The following PDE4D variants were observed in gnomAD, a reference collection of about 807,000 sequenced individuals.
The protein encoded by PDE4D is 3',5'-cyclic-AMP phosphodiesterase 4D.
In PDE4D, 24 loss-of-function variants were observed where a neutral mutation model predicts 87.4. That is an observed-to-expected ratio of 0.27 (90% CI 0.20 to 0.39). PDE4D has a LOEUF of 0.39. Among genes scored for constraint, PDE4D ranks in the 10% least tolerant of loss-of-function variants. PDE4D has a pLI of 1.00. For missense variants in PDE4D, 714 were observed against 1,041.0 expected, an observed-to-expected ratio of 0.69 and a Z score of 4.32; for synonymous variants, 384 against 383.2, an observed-to-expected ratio of 1.00 and a Z score of -0.02.
intron 1 of PDE4D, among the ~76,000 whole-genome samples, chr5:60,244,283 G>T (rs1326652670): frequency 1.3e-5 from 2 of 151,702 alleles, no homozygotes; most frequent in African/African-American, 4.8e-5. Flanking sequence ...TAAAACACTG[G>T]TGCAAGAAAT....
chr5:59,736,818 C>G (rs1293226253), intron 1 of PDE4D, among the ~76,000 whole-genome samples: 1 of 152,068 alleles, frequency 6.6e-6, no homozygotes, highest in Non-Finnish European at 1.5e-5. Context: ...CAGTAAACAC[C>G]TGGAAACATT....
intron 5 of PDE4D, among the ~76,000 whole-genome samples, chr5:59,100,952 G>A (rs908817685): frequency 6.6e-6 from 1 of 152,102 alleles, no homozygotes; most frequent in East Asian, 1.9e-4. Context: ...GGTGTAGAGA[G>A]GACGGCAATT....
intron 1 of PDE4D, among the ~76,000 whole-genome samples, chr5:60,456,967 T>C (rs1027162779): frequency 3.3e-5 from 5 of 152,166 alleles, no homozygotes; most frequent in Non-Finnish European, 4.4e-5. Context: ...ATAAACTACT[T>C]ACCATATACT....
At chr5:59,269,170 T>C (rs10070294) in intron 1 of PDE4D, among the ~76,000 whole-genome samples, 19,980 of 151,950 alleles carry the variant, frequency 0.13, 1,478 homozygotes, top group African/African-American at 0.19. Context: ...GTTGACATGA[T>C]AGAAAAAGAG....
intron 2 of PDE4D, among the ~76,000 whole-genome samples, chr5:60,170,702 G>A (rs1783346924): frequency 6.6e-6 from 1 of 151,858 alleles, no homozygotes; most frequent in African/African-American, 2.4e-5. Context: ...ACACGATAAT[G>A]ACATAGATGA....
intron 1 of PDE4D, among the ~76,000 whole-genome samples, chr5:60,344,490 A>G (rs1036515361): frequency 1.3e-5 from 2 of 152,152 alleles, no homozygotes; most frequent in African/African-American, 2.4e-5. Flanking sequence ...CAAAGGTATA[A>G]CAGTGACCAA....
rs762239197 is a variant in PDE4D at position 59,224,122 on chromosome 5, C to CAAAA, written c.456-8158_456-8155dup. On this transcript the variant is annotated intron_variant, in intron 1 of 14. Transcript: ENST00000340635. ...GCAACATGATGAAACCCTGTTTCTA[C>CAAAA]AAAAAAAAAAAAAAAAAAAAAAAAA... is the stretch of plus-strand genomic sequence containing the variant. Among the ~76,000 whole-genome samples the CAAAA allele has an allele frequency of 5.1e-3, 112 of 21,856 alleles. 19 individuals are homozygous for CAAAA. The highest frequency in any genetic ancestry group is 0.014 in the African/African-American group (106 of 7,622). The allele number at this position is 21,856 out of a possible 152,430, so 14.3% of individuals were successfully genotyped here.
intron 1 of PDE4D, among the ~76,000 whole-genome samples, chr5:60,507,129 G>A (rs1750360337): frequency 6.6e-6 from 1 of 151,834 alleles, no homozygotes; most frequent in Admixed American, 6.6e-5. Context: ...GCCCAGGCTG[G>A]AGTGCAGTGG....
At chr5:59,377,828 G>A (rs1354383818) in intron 1 of PDE4D, among the ~76,000 whole-genome samples, 1 of 151,934 alleles carries the variant, frequency 6.6e-6, no homozygotes, top group African/African-American at 2.4e-5. Flanking sequence ...ATACACTGTT[G>A]GTGGGAGTGT....
At chr5:60,292,197 C>T (rs991342252) in intron 1 of PDE4D, among the ~76,000 whole-genome samples, 13 of 152,110 alleles carry the variant, frequency 8.5e-5, no homozygotes, top group African/African-American at 2.9e-4. Context: ...AAATTTTTAC[C>T]GTTTTCCAAT....
intron 2 of PDE4D, among the ~76,000 whole-genome samples, chr5:60,043,691 G>A (rs1473187606): frequency 6.6e-6 from 1 of 151,606 alleles, no homozygotes; most frequent in Admixed American, 6.6e-5. Flanking sequence ...GAATATTAAA[G>A]AGTTTATTTT....
Position 59,115,672 on chromosome 5 carries a change from G to A in PDE4D, c.808+64923C>T, listed in dbSNP as rs193300403. On this transcript the variant is annotated intron_variant, in intron 5 of 14. Transcript: ENST00000340635. The stretch of plus-strand genomic sequence containing the variant: ...CTGATCTATGTTCTAGAAGAAAGGG[G>A]ACACTATTAGGGTTGCAGGCTAAGT... Among the ~76,000 whole-genome samples the A allele has an allele frequency of 8.7e-4, 132 of 152,246 alleles. 2 individuals are homozygous for A. The Middle Eastern group carries it at 0.017, about 20-fold the overall frequency.
At chr5:59,325,462 C>A (rs190137135) in intron 1 of PDE4D, among the ~76,000 whole-genome samples, 174 of 152,210 alleles carry the variant, frequency 1.1e-3, no homozygotes, top group East Asian at 3.9e-4. Context: ...AAATGCATAG[C>A]AAAAGGACCT....
intron 1 of PDE4D, among the ~76,000 whole-genome samples, chr5:59,364,831 G>GCCCA (rs1427652410): frequency 6.6e-6 from 1 of 150,780 alleles, no homozygotes; most frequent in Non-Finnish European, 1.5e-5. Flanking sequence ...CCTCTCTCTT[G>GCCCA]CCCACCCACC....
At chr5:59,477,182 G>C (rs2153654505) in intron 1 of PDE4D, among the ~76,000 whole-genome samples, 1 of 151,588 alleles carries the variant, frequency 6.6e-6, no homozygotes, top group Middle Eastern at 3.4e-3. Flanking sequence ...CTGAGTAAAG[G>C]ATTTCTGTAA....
chr5:60,315,815 C>T (rs1562315716), intron 1 of PDE4D, among the ~76,000 whole-genome samples: 1 of 151,770 alleles, frequency 6.6e-6, no homozygotes, highest in Non-Finnish European at 1.5e-5. Flanking sequence ...AGCATTATTT[C>T]TGAGGTCTCT....
At chr5:59,905,382 G>A (rs919211053) in intron 3 of PDE4D, among the ~76,000 whole-genome samples, 1 of 152,120 alleles carries the variant, frequency 6.6e-6, no homozygotes, top group Non-Finnish European at 1.5e-5. Flanking sequence ...TGGACTAATT[G>A]ACCCAGTTCT....
intron 1 of PDE4D, among the ~76,000 whole-genome samples, chr5:59,688,716 G>A (rs1294694807): frequency 6.6e-6 from 1 of 152,056 alleles, no homozygotes; most frequent in Non-Finnish European, 1.5e-5. Context: ...AAATAACTAA[G>A]ATCAGAGCAG....
At chr5:59,774,463 T>C (rs1288114450) in intron 1 of PDE4D, among the ~76,000 whole-genome samples, 1 of 152,144 alleles carries the variant, frequency 6.6e-6, no homozygotes, top group Non-Finnish European at 1.5e-5. Context: ...AAAACAAATA[T>C]ATGTCTTGAT....
Sources: allele counts gnomAD v4.1 joint callset (sites outside exome capture counted in the v4.1 genomes callset), GRCh38; gene constraint gnomAD v4.1.1; transcripts MANE v1.5; gene names NCBI Gene and HGNC (gene_info 2026-07-23, HGNC 2026-07-21).